KDM8: variants seen among roughly 807,000 people sequenced by gnomAD.
KDM8 encodes lysine demethylase 8.
Under a neutral mutation model 46.9 loss-of-function variants are expected in KDM8, and 35 were observed. That is an observed-to-expected ratio of 0.75 (90% CI 0.57 to 0.99). The LOEUF is 0.99. KDM8 is among the 50% of genes least tolerant of loss of function. The pLI, the probability that KDM8 is intolerant of heterozygous loss-of-function variation, is 0.00. For missense variants in KDM8, 475 were observed against 537.0 expected (o/e 0.88, Z 1.14); for synonymous variants, 232 against 227.7 (o/e 1.02, Z -0.17).
intron 3 of KDM8, 71 bp downstream of exon 3, chr16:27,213,822 C>T: frequency 1.4e-6 from 2 of 1,479,094 alleles, no homozygotes; most frequent in Non-Finnish European, 1.8e-6. Context: ...CTGAATTCCT[C>T]CCGACCATCC....
intron 1 of KDM8, among the ~76,000 whole-genome samples, chr16:27,207,701 T>C (rs2083440949): frequency 6.6e-6 from 1 of 152,224 alleles, no homozygotes; most frequent in Non-Finnish European, 1.5e-5. Context: ...CTGCTTCAGC[T>C]CCCGGAGTAG....
chr16:27,215,016 A>G lies in KDM8; in HGVS notation c.798+8A>G, dbSNP rs1201693060. 1 of 1,613,976 alleles carries G rather than the reference A, an allele frequency of 6.2e-7. No individual in the cohort carries two copies. ...AAATACATCGTGAATGAGGTACATC[A>G]TGGGGACTGCTTTCCCCTAGTACTT... On this transcript the variant is annotated splice_region_variant and intron_variant, in intron 4 of 7. Transcript: ENST00000286096.
intron 5 of KDM8, among the ~76,000 whole-genome samples, chr16:27,216,737 AG>A (rs1169591603): frequency 6.6e-6 from 1 of 152,102 alleles, no homozygotes; most frequent in East Asian, 1.9e-4. Context: ...TCTCTTCCCC[AG>A]GCCTCCCTAT....
chr16:27,215,870 C>A, intron 4 of KDM8, 75 bp from the exon 5 acceptor site: 2 of 1,447,172 alleles, frequency 1.4e-6, no homozygotes, highest in Non-Finnish European at 1.9e-6. Flanking sequence ...GCCAGCTGGA[C>A]AGCAGCAGCA....
chr16:27,206,385 A>C (rs2083428402), intron 1 of KDM8: 1 of 167,026 alleles, frequency 6.0e-6, no homozygotes, highest in Non-Finnish European at 1.2e-5. Context: ...CAATTCTCCT[A>C]CCTCAGCCTC....
chr16:27,220,785 A>G lies in KDM8; in HGVS notation c.*55A>G. ...GCAGACAGCATTCATCTGTTCACTA[A>G]TTTCCTGGGTCCTGGAATCTATAGA... On this transcript the variant is annotated 3_prime_UTR_variant, in exon 8 of 8. Coordinates refer to ENST00000286096, the MANE Select transcript of KDM8 (RefSeq NM_024773.3). 6.3e-7 allele frequency: 1 copy of G among 1,591,024 alleles called. No homozygotes were observed. The highest frequency in any genetic ancestry group is 8.6e-7 in the Non-Finnish European group (1 of 1,159,202).
chr16:27,211,866 C>T (rs188708513), intron 2 of KDM8, among the ~76,000 whole-genome samples: 12 of 152,182 alleles, frequency 7.9e-5, no homozygotes, highest in Admixed American at 2.6e-4. Context: ...TTAATAGAGA[C>T]AGGGTTTCAC....
At chr16:27,210,751 C>T (rs2083475374) in intron 2 of KDM8, 130 bp downstream of exon 2, 1 of 906,540 alleles carries the variant, frequency 1.1e-6, no homozygotes, top group African/African-American at 1.7e-5. Flanking sequence ...AACAGCATTG[C>T]CATTGATTTT....
At chr16:27,203,841 G>C (rs746816994) in intron 1 of KDM8, 18 of 433,236 alleles carry the variant, frequency 4.2e-5, no homozygotes, top group Admixed American at 1.7e-4. Context: ...TGCCCTGCGG[G>C]AGGATAAAGG....
chr16:27,216,119 C>T, intron 5 of KDM8, 130 bp downstream of exon 5: 1 of 987,940 alleles, frequency 1.0e-6, no homozygotes, highest in Non-Finnish European at 1.6e-6. Context: ...AGGAAGGTGA[C>T]AGGACGTGGG....
At chr16:27,203,952 T>C (rs2083400874) in intron 1 of KDM8, 2 of 616,390 alleles carry the variant, frequency 3.2e-6, no homozygotes, top group Non-Finnish European at 5.5e-6. Flanking sequence ...TAGCGGTTCT[T>C]GGCGTCGCGT....
chr16:27,203,997 A>G (rs1261250824), intron 1 of KDM8: 5 of 1,020,352 alleles, frequency 4.9e-6, no homozygotes, highest in African/African-American at 1.7e-5. Context: ...CGGGTTTTAT[A>G]CTCTGCTATA....
rs377614901 is a variant in KDM8, at chr16:27,213,642, C to T, written c.556C>T (p.Arg186Trp). The change falls in exon 3 of 8, where the codon CGG (arginine) becomes TGG (tryptophan). Residue 186 changes from arginine to tryptophan, a missense_variant. Arg to Trp is a moderately radical substitution (Grantham distance 101). Transcript: ENST00000286096. ...PDVKLEKTVP[R>W]LHRPSLQHFR... ...TGTGAAGTTAGAAAAAACAGTCCCC[C>T]GGCTGCACCGTCCGTCCCTCCAGCA... 20 of 1,614,024 alleles carry T rather than the reference C, an allele frequency of 1.2e-5. No individual in the cohort carries two copies. The African/African-American group carries it at 1.6e-4, about 13-fold the overall frequency.
intron 5 of KDM8, among the ~76,000 whole-genome samples, chr16:27,216,791 G>C (rs1032761426): frequency 1.9e-4 from 29 of 152,164 alleles, no homozygotes; most frequent in Non-Finnish European, 1.8e-4. Context: ...CACTTGCTAA[G>C]TGAAGGAAAG....
rs551474352 is a variant in KDM8 at position 27,204,889 on chromosome 16, G to A, written c.-32+1253G>A. On this transcript the variant is annotated intron_variant, in intron 1 of 7. Transcript: ENST00000286096. Reference sequence around the variant, plus strand: ...TAAAAATAAAAAATTAGCTGAGTGTGGTGGTGCACATCTGTAATCACAGCT... The same window carrying A: ...TAAAAATAAAAAATTAGCTGAGTGTAGTGGTGCACATCTGTAATCACAGCT... Among the ~76,000 whole-genome samples the A allele has an allele frequency of 2.6e-5, 4 of 152,316 alleles. No homozygotes were observed. In the East Asian group the frequency reaches 7.7e-4, roughly 29 times the overall value.
At chr16:27,219,215 G>A in intron 6 of KDM8, 105 bp downstream of exon 6, 2 of 1,238,276 alleles carry the variant, frequency 1.6e-6, no homozygotes, top group Non-Finnish European at 2.2e-6. Context: ...AAAGAAACAA[G>A]AAGCACTGAA....
At position 27,219,532 on chromosome 16, in the gene KDM8, C is replaced by G. The variant is rs563235229; in HGVS notation, c.993+422C>G. 7.2e-5 allele frequency among the ~76,000 whole-genome samples: 11 copies of G among 152,300 alleles called. No homozygotes were observed. The East Asian group carries it at 1.9e-3, about 27-fold the overall frequency. Reference sequence around the variant, plus strand: ...GTCAGAGGAGCAGATGGATTTGCTGCAAGGGGAGGCACCTCTGTCTACTGC... The same window carrying G: ...GTCAGAGGAGCAGATGGATTTGCTGGAAGGGGAGGCACCTCTGTCTACTGC... On this transcript the variant is annotated intron_variant, in intron 6 of 7. Transcript: ENST00000286096.
chr16:27,215,166 T>C (rs1213326938), intron 4 of KDM8, among the ~76,000 whole-genome samples, 158 bp downstream of exon 4: 4 of 152,212 alleles, frequency 2.6e-5, no homozygotes, highest in African/African-American at 9.6e-5. Context: ...GGCAGGCTGC[T>C]TAGCCAGCAG....
Position 27,210,204 on chromosome 16 carries a change from G to A in KDM8, c.81G>A (p.Pro27=), listed in dbSNP as rs374610593. The change falls in exon 2 of 8, where the codon CCG becomes CCA. Residue 27 remains proline, a synonymous_variant. Transcript: ENST00000286096. ...TLWEALRALL[P]HSKEDLKLDL... ...GGGAGGCCCTCAGGGCGCTCCTGCC[G>A]CACAGTAAAGAAGACCTGAAGTTGG... 5.2e-4 allele frequency: 841 copies of A among 1,613,372 alleles called. 11 individuals carry two copies. The South Asian group carries it at 8.4e-3, about 16-fold the overall frequency.
Sources: allele counts gnomAD v4.1 joint callset (sites outside exome capture counted in the v4.1 genomes callset), GRCh38; gene constraint gnomAD v4.1.1; transcripts MANE v1.5; gene names NCBI Gene and HGNC (gene_info 2026-07-23, HGNC 2026-07-21).